The following VWA8 variants were observed in gnomAD, a reference collection of about 807,000 sequenced individuals.
The protein encoded by VWA8 is von Willebrand factor A domain-containing protein 8.
VWA8 carries 221 observed loss-of-function variants against 241.5 expected under a neutral mutation model. The observed-to-expected ratio is 0.91, with a 90% CI of 0.82 to 1.02. The LOEUF (loss-of-function observed/expected upper bound fraction) is 1.02, where lower values mean the gene tolerates loss of function less well. VWA8 is among the 50% of genes least tolerant of loss of function. The pLI, the probability that VWA8 is intolerant of heterozygous loss-of-function variation, is 0.00. For missense variants in VWA8, 2,322 were observed against 2,328.7 expected (o/e 1.00, Z 0.06); for synonymous variants, 852 against 827.1 (o/e 1.03, Z -0.52).
At chr13:41,822,815 C>G (rs1300657811) in intron 14 of VWA8, among the ~76,000 whole-genome samples, 1 of 152,112 alleles carries the variant, frequency 6.6e-6, no homozygotes, top group African/African-American at 2.4e-5. Flanking sequence ...CATGGATGAT[C>G]TCAAAACACT....
chr13:41,581,587 G>GC (rs566497216), intron 42 of VWA8, among the ~76,000 whole-genome samples: 8 of 152,256 alleles, frequency 5.3e-5, no homozygotes, highest in Middle Eastern at 3.4e-3. Flanking sequence ...CCTACTCACT[G>GC]CCCCCCTCCA....
intron 2 of VWA8, chr13:41,927,232 T>G (rs1876888911): frequency 2.1e-6 from 1 of 477,282 alleles, no homozygotes; most frequent in Admixed American, 2.2e-5. Flanking sequence ...ACCATTTTTC[T>G]CAAAAGATTC....
At chr13:41,948,186 A>G (rs1035353310) in intron 2 of VWA8, among the ~76,000 whole-genome samples, 1 of 152,220 alleles carries the variant, frequency 6.6e-6, no homozygotes, top group Non-Finnish European at 1.5e-5. Context: ...ACAATGGAAT[A>G]TAATTTAGCC....
intron 26 of VWA8, among the ~76,000 whole-genome samples, chr13:41,707,939 T>G (rs186133084): frequency 6.6e-6 from 1 of 152,190 alleles, no homozygotes; most frequent in African/African-American, 2.4e-5. Flanking sequence ...AATTTATACA[T>G]ACAAAACTCC....
At chr13:41,897,643 C>G (rs997832781) in intron 4 of VWA8, among the ~76,000 whole-genome samples, 1 of 152,114 alleles carries the variant, frequency 6.6e-6, no homozygotes, top group African/African-American at 2.4e-5. Flanking sequence ...GTGTGTGTTA[C>G]AGCTCTTAAG....
chr13:41,908,422 A>T (rs537039459), intron 3 of VWA8, among the ~76,000 whole-genome samples: 42 of 151,976 alleles, frequency 2.8e-4, no homozygotes, highest in African/African-American at 1.0e-3. Flanking sequence ...CAGTAAGCCG[A>T]GATCACACCA....
Position 41,685,130 on chromosome 13 carries a change from T to C in VWA8, c.4244A>G (p.Asn1415Ser), listed in dbSNP as rs769415597. ...ATTCGTATCTAAAAGAGTCACACAA[T>C]TGCTTTGTTTTGGAGTCCCCCTTTT... ...KKKRGTPKQS[N>S]CVTLLDTNQV... Residue 1415 changes from asparagine to serine, a missense_variant, in exon 35 of 45, where the codon AAT (asparagine) becomes AGT (serine). Asn to Ser is a conservative substitution (Grantham distance 46). Coordinates refer to ENST00000379310, the MANE Select transcript of VWA8 (RefSeq NM_015058.2). 2.2e-5 allele frequency: 35 copies of C among 1,613,508 alleles called. No homozygotes were observed. The highest frequency in any genetic ancestry group is 1.7e-4 in the Admixed American group (10 of 59,898).
intron 21 of VWA8, among the ~76,000 whole-genome samples, chr13:41,745,662 C>G (rs1027756106): frequency 1.3e-5 from 2 of 152,104 alleles, no homozygotes; most frequent in African/African-American, 4.8e-5. Context: ...AATGAGATGC[C>G]ATCTCTCACC....
At chr13:41,726,390 T>C (rs1200184137) in intron 24 of VWA8, among the ~76,000 whole-genome samples, 2 of 152,162 alleles carry the variant, frequency 1.3e-5, no homozygotes, top group Non-Finnish European at 2.9e-5. Flanking sequence ...CTGCTTCACA[T>C]TGAGTGTGAG....
At chr13:41,703,634 G>A (rs1163942920) in intron 26 of VWA8, among the ~76,000 whole-genome samples, 1 of 152,112 alleles carries the variant, frequency 6.6e-6, no homozygotes, top group African/African-American at 2.4e-5. Context: ...GGTAAGGCAA[G>A]GTCCTGTTTT....
intron 2 of VWA8, among the ~76,000 whole-genome samples, chr13:41,921,119 A>C (rs1876510046): frequency 6.6e-6 from 1 of 152,250 alleles, no homozygotes; most frequent in South Asian, 2.1e-4. Flanking sequence ...CTGGGATGCA[A>C]GGCTGGTTCA....
In VWA8 at chr13:41,926,453, A is replaced by G. The variant is rs1019599042; in HGVS notation, c.242-14285T>C. 4 of 523,640 alleles carry G rather than the reference A, an allele frequency of 7.6e-6. No individual in the cohort carries two copies. In the Admixed American group the frequency reaches 8.6e-5, roughly 11 times the overall value. 32.4% of individuals were successfully genotyped at this position (523,640 alleles called of 1,614,324 possible). A position where few individuals can be genotyped will look rare whatever the true frequency, so the allele number is the denominator to read the frequency against. On this transcript the variant is annotated intron_variant, in intron 2 of 44. Transcript: ENST00000379310. Reference sequence around the variant, plus strand: ...GGCCAAGCTTTTCATCACTTATGACAATGCGCTGGACATGAGAATTGCTCC... The same window carrying G: ...GGCCAAGCTTTTCATCACTTATGACGATGCGCTGGACATGAGAATTGCTCC...
At chr13:41,590,846 A>C in intron 40 of VWA8, 81 bp from the exon 41 acceptor site, 1 of 1,549,984 alleles carries the variant, frequency 6.5e-7, no homozygotes, top group Non-Finnish European at 8.8e-7. Context: ...GAATAACAGG[A>C]AACACACCTG....
chr13:41,658,674 A>G (rs2044926673), intron 37 of VWA8, among the ~76,000 whole-genome samples: 1 of 152,328 alleles, frequency 6.6e-6, no homozygotes, highest in Middle Eastern at 3.4e-3. Context: ...TCATTACCTC[A>G]GCCTCACAGT....
rs200850191 is a variant in VWA8, at chr13:41,575,759, T to G, written c.5351A>C (p.Gln1784Pro). 5.2e-4 allele frequency: 838 copies of G among 1,613,074 alleles called. 10 individuals are homozygous for G. In the South Asian group the frequency reaches 8.7e-3, roughly 17 times the overall value. ...PMNKIPKDNKQRLEILKTMHA... is the reference protein window; with the variant it reads ...PMNKIPKDNKPRLEILKTMHA... ...ATTTACCTTCAGAATTTCTAGTCTT[T>G]GCTTATTGTCCTTGGGGATTTTGTT... is the stretch of plus-strand genomic sequence containing the variant. Residue 1784 changes from glutamine to proline, a missense_variant, in exon 43 of 45, where the codon CAA becomes CCA. Gln to Pro is a moderately conservative substitution (Grantham distance 76). Coordinates refer to ENST00000379310, the MANE Select transcript of VWA8 (RefSeq NM_015058.2).
At chr13:41,800,377 T>C (rs149970265) in intron 17 of VWA8, among the ~76,000 whole-genome samples, 58 of 152,352 alleles carry the variant, frequency 3.8e-4, no homozygotes, top group African/African-American at 1.4e-3. Flanking sequence ...TAACAATTAC[T>C]TATTATATTT....
chr13:41,643,331 G>A (rs902546591), intron 37 of VWA8, among the ~76,000 whole-genome samples: 8 of 152,038 alleles, frequency 5.3e-5, no homozygotes, highest in Admixed American at 2.6e-4. Flanking sequence ...GAACTTTTCC[G>A]ATCTGGACTC....
chr13:41,713,042 T>C (rs988382393), intron 26 of VWA8, among the ~76,000 whole-genome samples: 2 of 152,226 alleles, frequency 1.3e-5, no homozygotes, highest in East Asian at 1.9e-4. Flanking sequence ...TAAAATGCCA[T>C]AGAAATGCCT....
At chr13:41,881,372 CGGGG>C (rs756711531) in intron 9 of VWA8, among the ~76,000 whole-genome samples, 277 of 8,278 alleles carry the variant, frequency 0.033, 19 homozygotes, top group African/African-American at 0.086. Context: ...TTTTTTTTGC[CGGGG>C]GGGGGGGGGG....
Sources: gnomAD v4.1 joint callset for allele counts (sites outside exome capture counted in the v4.1 genomes callset) on GRCh38, gnomAD v4.1.1 for gene constraint, MANE v1.5 for transcripts, NCBI Gene and HGNC (gene_info 2026-07-23, HGNC 2026-07-21) for gene names.